The following ARMC9 variants were observed in gnomAD, a reference collection of about 807,000 sequenced individuals.
ARMC9 encodes the protein armadillo repeat containing 9, also known as lisH domain-containing protein ARMC9.
A neutral mutation model predicts 107.0 loss-of-function variants in ARMC9; 94 were observed. The ratio of observed to expected loss-of-function variants is 0.88; its 90% CI spans 0.74 to 1.04. The LOEUF is 1.04. Among genes scored for constraint, ARMC9 ranks in the 50% least tolerant of loss-of-function variants. The pLI is 0.00. For synonymous variants in ARMC9, 380 were observed against 396.9 expected (o/e 0.96, Z 0.51); for missense variants, 942 against 1,030.1 (o/e 0.91, Z 1.17).
chr2:231,370,149 G>A, intron 24 of ARMC9, 24 bp downstream of exon 24: 5 of 1,489,852 alleles, frequency 3.4e-6, no homozygotes, highest in Non-Finnish European at 4.5e-6. Flanking sequence ...GGCCCCACTG[G>A]CGTGGGAGCC....
chr2:231,360,191 G>A lies in ARMC9; in HGVS notation c.2132-563G>A, dbSNP rs565750279. 2.6e-5 allele frequency among the ~76,000 whole-genome samples: 4 copies of A among 152,246 alleles called. No homozygotes were observed. The highest frequency in any genetic ancestry group is 2.1e-4 in the South Asian group (1 of 4,820). ...CTGCTTCCCCGTGAAGGGCTCCTGC[G>A]TGTCCCGGGTGGCCTGGTTCTGGGT... On this transcript the variant is annotated intron_variant, in intron 22 of 24. Coordinates refer to ENST00000611582, the MANE Select transcript of ARMC9 (RefSeq NM_001352754.2). This position sits in a 1 kb window ranked among gnomAD's most constrained non-coding sequence, Gnocchi z 4.7.
chr2:231,264,327 C>A (rs945915574), intron 12 of ARMC9, among the ~76,000 whole-genome samples: 6 of 151,324 alleles, frequency 4.0e-5, no homozygotes, highest in Non-Finnish European at 8.8e-5. Context: ...TACAGGCGCC[C>A]GCCACCACAC....
intron 17 of ARMC9, among the ~76,000 whole-genome samples, chr2:231,286,298 T>A (rs1018725285): frequency 3.3e-5 from 5 of 152,174 alleles, no homozygotes; most frequent in African/African-American, 1.2e-4. Flanking sequence ...GTATTTTTAG[T>A]AGAGACGGGG....
intron 19 of ARMC9, among the ~76,000 whole-genome samples, chr2:231,330,723 A>G (rs1026816273): frequency 2.0e-5 from 3 of 152,048 alleles, no homozygotes; most frequent in Non-Finnish European, 2.9e-5. Flanking sequence ...TGGAGCTACC[A>G]TATTTTCTCC....
chr2:231,202,003 CTT>C (rs5839391), intron 1 of ARMC9, among the ~76,000 whole-genome samples: 29,987 of 134,924 alleles, frequency 0.22, 3,057 homozygotes, highest in African/African-American at 0.27. Flanking sequence ...TTCTTTCTTT[CTT>C]TTTTTTTTTT....
chr2:231,200,371 C>T (rs984837558), intron 1 of ARMC9, among the ~76,000 whole-genome samples: 32 of 152,292 alleles, frequency 2.1e-4, no homozygotes, highest in African/African-American at 7.0e-4. Context: ...AATACAGCTC[C>T]CTGTCTTTGT....
chr2:231,266,831 G>C (rs537440779), intron 12 of ARMC9, among the ~76,000 whole-genome samples: 3 of 152,106 alleles, frequency 2.0e-5, no homozygotes, highest in Non-Finnish European at 2.9e-5. Flanking sequence ...CATATTTTGC[G>C]TATCTATCTC....
Position 231,206,258 on chromosome 2 carries a change from A to G in ARMC9, c.20A>G (p.His7Arg), listed in dbSNP as rs1444992565. 10 of 1,613,762 alleles carry G rather than the reference A, an allele frequency of 6.2e-6. No homozygotes were observed. The highest frequency in any genetic ancestry group is 1.1e-5 in the South Asian group (1 of 91,084). Residue 7 changes from histidine (H) to arginine (R), a missense_variant, in exon 2 of 25, where the codon CAT becomes CGT. By Grantham distance (29) the His-to-Arg change is conservative. Transcript: ENST00000611582. Reference protein sequence around the residue: MGDILAHESELLGLVKE... With the variant: MGDILARESELLGLVKE... ...TTCAATATGGGGGACATTCTGGCTC[A>G]TGAATCTGAATTACTTGGACTAGTG...
chr2:231,293,113 C>G (rs1232978441), intron 18 of ARMC9, among the ~76,000 whole-genome samples: 1 of 152,158 alleles, frequency 6.6e-6, no homozygotes, highest in African/African-American at 2.4e-5. Flanking sequence ...GGCTGGGTGC[C>G]CATTTGCCTT....
At chr2:231,339,524 C>G (rs1002676138) in intron 20 of ARMC9, among the ~76,000 whole-genome samples, 1 of 150,160 alleles carries the variant, frequency 6.7e-6, no homozygotes, top group Non-Finnish European at 1.5e-5. Context: ...CCTCAAACTC[C>G]TGGGTGGCAT....
At chr2:231,291,901 G>A (rs2041026895) in intron 18 of ARMC9, among the ~76,000 whole-genome samples, 1 of 151,806 alleles carries the variant, frequency 6.6e-6, no homozygotes. Flanking sequence ...GAGCGTGGTG[G>A]TTCACACCTG....
intron 1 of ARMC9, among the ~76,000 whole-genome samples, chr2:231,203,853 G>A (rs565058769): frequency 5.9e-5 from 9 of 152,128 alleles, no homozygotes; most frequent in East Asian, 5.8e-4. Context: ...CCAGCTACTC[G>A]GGAGGCTGAA....
chr2:231,319,800 A>G lies in ARMC9; in HGVS notation c.1774-11993A>G, dbSNP rs369130362. ...ACCATCTTCTTAAAGCAGAGCTTGG[A>G]CCACACGGGGACATGATCACTTAAT... On this transcript the variant is annotated intron_variant, in intron 19 of 24. Transcript: ENST00000611582. Among the ~76,000 whole-genome samples, 14 of 152,312 alleles carry G rather than the reference A, an allele frequency of 9.2e-5. No individual in the cohort carries two copies. The East Asian group carries it at 2.3e-3, about 25-fold the overall frequency.
chr2:231,273,692 G>A (rs1032883847), intron 14 of ARMC9, among the ~76,000 whole-genome samples: 4 of 152,174 alleles, frequency 2.6e-5, no homozygotes, highest in African/African-American at 7.2e-5. Flanking sequence ...TGGAATTACA[G>A]GCGTGAGTCA....
chr2:231,338,038 G>T (rs1009655244), intron 20 of ARMC9, among the ~76,000 whole-genome samples: 36 of 152,240 alleles, frequency 2.4e-4, no homozygotes, highest in Admixed American at 1.3e-4. Flanking sequence ...GGCTGTCAGA[G>T]CCCAGGCTCT....
intron 20 of ARMC9, among the ~76,000 whole-genome samples, chr2:231,342,968 C>T (rs1199968594): frequency 6.6e-6 from 1 of 151,996 alleles, no homozygotes; most frequent in African/African-American, 2.4e-5. Context: ...GGCTGGAGTG[C>T]AATGGTGCCA....
intron 19 of ARMC9, among the ~76,000 whole-genome samples, chr2:231,301,543 A>G (rs1334529698): frequency 6.6e-6 from 1 of 151,906 alleles, no homozygotes; most frequent in African/African-American, 2.4e-5. Context: ...GATTTGCTAC[A>G]TTGTACATTT....
At chr2:231,206,856 T>C (rs537057478) in intron 2 of ARMC9, among the ~76,000 whole-genome samples, 4 of 152,358 alleles carry the variant, frequency 2.6e-5, no homozygotes, top group Non-Finnish European at 4.4e-5. Flanking sequence ...AAAGAAATGG[T>C]TCGCGCTTGC....
At chr2:231,221,243 T>C (rs1395553751) in intron 5 of ARMC9, among the ~76,000 whole-genome samples, 1 of 152,236 alleles carries the variant, frequency 6.6e-6, no homozygotes, top group African/African-American at 2.4e-5. Flanking sequence ...CTGTCTCCAT[T>C]GTCCCATGGC....
Sources: gnomAD v4.1 joint callset for allele counts (sites outside exome capture counted in the v4.1 genomes callset) on GRCh38, gnomAD v4.1.1 for gene constraint, Gnocchi (gnomAD v3.1) non-coding constraint, MANE v1.5 for transcripts, NCBI Gene and HGNC (gene_info 2026-07-23, HGNC 2026-07-21) for gene names.